Variants in FAM47E observed in about 807,000 individuals in gnomAD.
FAM47E encodes protein FAM47E.
A neutral mutation model predicts 41.6 loss-of-function variants in FAM47E; 32 were observed. The observed-to-expected ratio is 0.77, with a 90% CI of 0.58 to 1.03. The LOEUF is 1.03. FAM47E is among the 50% of genes least tolerant of loss of function. The pLI is 0.00. For synonymous variants in FAM47E, 184 were observed against 188.7 expected (o/e 0.98, Z 0.20); for missense variants, 424 against 485.4 (o/e 0.87, Z 1.19).
chr4:76,270,777 A>G (rs1302138084), intron 4 of FAM47E, among the ~76,000 whole-genome samples: 4 of 151,840 alleles, frequency 2.6e-5, no homozygotes, highest in South Asian at 2.1e-4. Flanking sequence ...ACCCTGTGGG[A>G]TTTTCTTCAC....
chr4:76,276,380 G>GTTTTTTTTGTTTT, intron 5 of FAM47E, among the ~76,000 whole-genome samples: 1 of 76,944 alleles, frequency 1.3e-5, no homozygotes, highest in African/African-American at 5.2e-5. Context: ...TTGTTTTTTT[G>GTTTTTTTTGTTTT]TTTATTTGGG....
intron 7 of FAM47E, 106 bp from the exon 8 acceptor site, chr4:76,283,275 A>ATC (rs1287263581): frequency 2.3e-4 from 148 of 654,264 alleles, no homozygotes; most frequent in Non-Finnish European, 3.0e-4. Context: ...AAGGATATAT[A>ATC]TTAGAGTGTG....
At chr4:76,218,474 T>C (rs559196435) in intron 2 of FAM47E, among the ~76,000 whole-genome samples, 1 of 152,348 alleles carries the variant, frequency 6.6e-6, no homozygotes, top group African/African-American at 2.4e-5. Context: ...GGACTCTCTG[T>C]GAAGTTACCC....
chr4:76,248,284 A>G (rs974363377), upstream of FAM47E, among the ~76,000 whole-genome samples: 1 of 151,734 alleles, frequency 6.6e-6, no homozygotes, highest in African/African-American at 2.4e-5. Context: ...CAATTTATCT[A>G]TTTTTTCTTT....
rs1438077730 is a variant in FAM47E, at chr4:76,251,799, A to G, written c.53A>G (p.Glu18Gly). The change falls in exon 1 of 8, where the codon GAG becomes GGG. Residue 18 changes from glutamate to glycine, a missense_variant. Coordinates refer to ENST00000424749, the MANE Select transcript of FAM47E (RefSeq NM_001136570.3). ...CCGGGGACGTTGGCCCCGGTGCGCGAGGGCGTGAACTGCAGGTCCAGGTAA... is the reference window on the plus strand; with the variant it reads ...CCGGGGACGTTGGCCCCGGTGCGCGGGGGCGTGAACTGCAGGTCCAGGTAA... ...LRPGTLAPVR[E>G]GVNCRSRCFT... is the part of the protein sequence containing the mutation. 1 of 1,490,678 alleles carries G rather than the reference A, an allele frequency of 6.7e-7. No individual in the cohort carries two copies. The highest frequency in any genetic ancestry group is 1.5e-5 in the African/African-American group (1 of 68,634). The allele number at this position is 1,490,678 out of a possible 1,614,324, so 92.3% of individuals were successfully genotyped here.
At chr4:76,215,722 G>A (rs540313575) in intron 1 of FAM47E, among the ~76,000 whole-genome samples, 4 of 152,130 alleles carry the variant, frequency 2.6e-5, no homozygotes, top group East Asian at 3.9e-4. Context: ...TCAGCTACCC[G>A]GAGACTGCTG....
Position 76,283,479 on chromosome 4 carries a change from T to A in FAM47E, c.*21T>A. 1 of 1,419,100 alleles carries A rather than the reference T, an allele frequency of 7.0e-7. No homozygotes were observed. Among genetic ancestry groups the A allele is most frequent in the Non-Finnish European group, 9.7e-7 (1 of 1,027,464 alleles). The allele number at this position is 1,419,100 out of a possible 1,614,324, so 87.9% of individuals were successfully genotyped here. ...CATAGAAGAATCGTAGGAGAATGAT[T>A]AGGCAGATTTTATTACTACGTACTT... On this transcript the variant is annotated 3_prime_UTR_variant, in exon 8 of 8. Transcript: ENST00000424749.
chr4:76,226,013 G>A (rs779129254), intron 2 of FAM47E, among the ~76,000 whole-genome samples: 15 of 152,142 alleles, frequency 9.9e-5, no homozygotes, highest in Non-Finnish European at 1.5e-4. Flanking sequence ...GAATCCATCC[G>A]GTCCTGGACT....
intron 6 of FAM47E, 49 bp from the exon 7 acceptor site, chr4:76,280,215 C>A: frequency 8.8e-7 from 1 of 1,134,478 alleles, no homozygotes; most frequent in Non-Finnish European, 1.3e-6. Context: ...AATATGAAAT[C>A]AAGCTTCTGA....
intron 2 of FAM47E, among the ~76,000 whole-genome samples, chr4:76,237,063 T>G (rs1472996351): frequency 6.6e-6 from 1 of 151,682 alleles, no homozygotes; most frequent in Non-Finnish European, 1.5e-5. Flanking sequence ...GCCCGGCTAA[T>G]TTTTTGTATT....
chr4:76,223,565 C>T (rs1470344151), intron 2 of FAM47E, among the ~76,000 whole-genome samples: 2 of 152,004 alleles, frequency 1.3e-5, no homozygotes, highest in Non-Finnish European at 2.9e-5. Flanking sequence ...AAAGTGTGAT[C>T]CCAAGACGTT....
chr4:76,278,928 A>C (rs893053248), intron 6 of FAM47E: 1 of 152,196 alleles, frequency 6.6e-6, no homozygotes, highest in African/African-American at 2.4e-5. Context: ...TTTTCAACAG[A>C]CCCCAAACTT....
At chr4:76,222,367 T>TA (rs1733324637) in intron 2 of FAM47E, among the ~76,000 whole-genome samples, 1 of 152,136 alleles carries the variant, frequency 6.6e-6, no homozygotes, top group Non-Finnish European at 1.5e-5. Context: ...GCTGGGACTA[T>TA]AGGCGTGAGC....
intron 5 of FAM47E, among the ~76,000 whole-genome samples, chr4:76,272,955 A>G (rs922598739): frequency 6.6e-6 from 1 of 151,844 alleles, no homozygotes; most frequent in African/African-American, 2.4e-5. Flanking sequence ...TCTGCTGGTG[A>G]TGAATTCTTT....
Position 76,280,339 on chromosome 4 carries a change from C to G in FAM47E, c.1102C>G (p.Arg368Gly), listed in dbSNP as rs889470706. The part of the protein sequence containing the change: ...FILSRGYRTP[R>G]FLENMYIGKE... ...TCTAAGCAGGGGCTACAGGACGCCA[C>G]GTGTGAGTAAAGGGTCCTTTCAGAA... Residue 368 changes from arginine to glycine, a missense_variant and splice_region_variant, in exon 7 of 8, where the codon CGT (arginine) becomes GGT (glycine). Coordinates refer to ENST00000424749, the MANE Select transcript of FAM47E (RefSeq NM_001136570.3). 2 of 1,527,522 alleles carry G rather than the reference C, an allele frequency of 1.3e-6. No individual in the cohort carries two copies. Among genetic ancestry groups the G allele is most frequent in the African/African-American group, 2.8e-5 (2 of 72,550 alleles). The allele number at this position is 1,527,522 out of a possible 1,614,324, so 94.6% of individuals were successfully genotyped here. A position where few individuals can be genotyped will look rare whatever the true frequency, so the allele number is the denominator to read the frequency against.
chr4:76,250,235 T>G (rs140060451), upstream of FAM47E, among the ~76,000 whole-genome samples: 214 of 152,304 alleles, frequency 1.4e-3, no homozygotes, highest in Middle Eastern at 6.8e-3. Flanking sequence ...TTTTTAAATT[T>G]TTTGATTATG....
chr4:76,274,378 T>A (rs1479759719), intron 5 of FAM47E, among the ~76,000 whole-genome samples: 2 of 151,946 alleles, frequency 1.3e-5, no homozygotes, highest in Non-Finnish European at 2.9e-5. Context: ...TCAAGATCAG[T>A]TCGGGCAACA....
In FAM47E at chr4:76,256,317, G is replaced by A. The variant is rs1016686029; in HGVS notation, c.214G>A (p.Glu72Lys). The A allele has an allele frequency of 1.9e-6, 3 of 1,551,592 alleles. No homozygotes were observed. Among genetic ancestry groups the A allele is most frequent in the East Asian group, 2.4e-5 (1 of 40,938 alleles). ...CTGLVTQVPV[E>K]GFLPQIYHRA... is the part of the protein sequence containing the mutation. ...TGGTCTGGTGACTCAGGTCCCTGTG[G>A]AGGGCTTTCTGCCCCAGATTTATCA... is the stretch of plus-strand genomic sequence containing the variant. Residue 72 changes from glutamate (E) to lysine (K), a missense_variant, in exon 2 of 8, where the codon GAG becomes AAG. Physicochemically the swap from Glu to Lys is moderately conservative, Grantham distance 56 (BLOSUM62 1). Coordinates refer to ENST00000424749, the MANE Select transcript of FAM47E (RefSeq NM_001136570.3).
intron 2 of FAM47E, among the ~76,000 whole-genome samples, chr4:76,239,193 T>C (rs1389182089): frequency 6.6e-6 from 1 of 152,214 alleles, no homozygotes; most frequent in East Asian, 1.9e-4. Flanking sequence ...AATGCTGCTA[T>C]AAACACAGAT....
Sources: allele counts gnomAD v4.1 joint callset (sites outside exome capture counted in the v4.1 genomes callset), GRCh38; gene constraint gnomAD v4.1.1; transcripts MANE v1.5; gene names NCBI Gene and HGNC (gene_info 2026-07-23, HGNC 2026-07-21).